The following OR2T27 variants were observed in gnomAD, a reference collection of about 807,000 sequenced individuals.
OR2T27 encodes olfactory receptor 2T27.
For synonymous variants in OR2T27, 51 were observed against 152.9 expected, an observed-to-expected ratio of 0.33 and a Z score of 4.92; for missense variants, 152 against 397.2, an observed-to-expected ratio of 0.38 and a Z score of 5.25.
intron 1 of OR2T27, among the ~76,000 whole-genome samples, chr1:248,652,087 C>A (rs1213413494): frequency 6.6e-6 from 1 of 152,178 alleles, no homozygotes; most frequent in East Asian, 1.9e-4. Flanking sequence ...TAGAGTTATC[C>A]CTGAGAATAT....
intron 1 of OR2T27, among the ~76,000 whole-genome samples, chr1:248,652,094 A>G (rs1319538159): frequency 1.3e-5 from 2 of 152,262 alleles, no homozygotes; most frequent in African/African-American, 4.8e-5. Flanking sequence ...ATCCCTGAGA[A>G]TATGACAGCT....
intron 1 of OR2T27, among the ~76,000 whole-genome samples, chr1:248,654,069 T>A (rs1661079373): frequency 2.9e-5 from 1 of 34,840 alleles, no homozygotes; most frequent in African/African-American, 3.7e-5. Context: ...ACCATTGGTT[T>A]ATGAGATCAA....
chr1:248,650,092 A>G lies in OR2T27; in HGVS notation c.793T>C (p.Tyr265His). Reference protein sequence around the residue: ...AMYTYVLPHSYHTPEQDKAVS... With the variant: ...AMYTYVLPHSHHTPEQDKAVS... ...GCTTTGTCCTGCTCAGGGGTGTGGT[A>G]AGAATGAGGCAGCACGTATGTGTAC... The change falls in exon 2 of 2, where the codon TAC (tyrosine) becomes CAC (histidine). Residue 265 changes from tyrosine (Y) to histidine (H), a missense_variant. Transcript: ENST00000460972. 1 of 1,573,388 alleles carries G rather than the reference A, an allele frequency of 6.4e-7. No individual in the cohort carries two copies. The highest frequency in any genetic ancestry group is 8.7e-7 in the Non-Finnish European group (1 of 1,153,280).
rs867977551 is a variant in OR2T27 at position 248,651,468 on chromosome 1, A to G, written c.-4-580T>C. On this transcript the variant is annotated intron_variant, in intron 1 of 1. Transcript: ENST00000460972. ...GCAGAATGAGCCTGTGTTGAATAAA[A>G]AGAGCTGAGTTCTGAGAAGTCATCC... 150 of 70,976 alleles carry G rather than the reference A, an allele frequency of 2.1e-3. 13 individuals are homozygous for G. Among genetic ancestry groups the G allele is most frequent in the African/African-American group, 4.0e-3 (145 of 36,344 alleles). The allele number at this position is 70,976 out of a possible 1,614,324, so 4.4% of individuals were successfully genotyped here. A position where few individuals can be genotyped will look rare whatever the true frequency, so the allele number is the denominator to read the frequency against.
intron 1 of OR2T27, chr1:248,651,597 G>A (rs559963149): frequency 5.6e-5 from 4 of 70,820 alleles, no homozygotes; most frequent in African/African-American, 1.1e-4. Flanking sequence ...CATACAACTC[G>A]TTAAAGTGTT....
At position 248,650,787 on chromosome 1, in the gene OR2T27, A is replaced by G. The variant is rs1368189167; in HGVS notation, c.98T>C (p.Leu33Pro). Residue 33 changes from leucine to proline, a missense_variant, in exon 2 of 2, where the codon CTG (leucine) becomes CCG (proline). Physicochemically the swap from Leu to Pro is moderately conservative, Grantham distance 98. Coordinates refer to ENST00000460972, the MANE Select transcript of OR2T27 (RefSeq NM_001001824.2). ...GCTGGCTATGGAGGTCAAAAAGACC[A>G]GGAGAATGAGGGCAAAGAGAAGCCA... ...FPWLLFALIL[L>P]VFLTSIASNV... The G allele has an allele frequency of 1.2e-6, 2 of 1,608,920 alleles. No homozygotes were observed. The highest frequency in any genetic ancestry group is 1.7e-6 in the Non-Finnish European group (2 of 1,176,582).
intron 1 of OR2T27, among the ~76,000 whole-genome samples, chr1:248,651,143 ATTTC>A (rs72247195): frequency 0.083 from 6,435 of 77,728 alleles, 160 homozygotes; most frequent in African/African-American, 0.18. Flanking sequence ...ATGACCATTT[ATTTC>A]TGTCTTTCGA....
At chr1:248,653,309 G>GA (rs1558182146) in intron 1 of OR2T27, among the ~76,000 whole-genome samples, 2 of 114,920 alleles carry the variant, frequency 1.7e-5, no homozygotes, top group South Asian at 3.7e-4. Context: ...TATTTTAAGA[G>GA]TTACCCAGTA....
chr1:248,651,734 TACC>T lies in OR2T27; in HGVS notation c.-4-849_-4-847del, dbSNP rs1477234210. On this transcript the variant is annotated intron_variant, in intron 1 of 1. Transcript: ENST00000460972. ...ATGTATCCATATCAGTTAAATATTTTACCACAATTTAGGAACACTTGAGTTATT... is the reference window on the plus strand; with the variant it reads ...ATGTATCCATATCAGTTAAATATTTTACAATTTAGGAACACTTGAGTTATT... Among the ~76,000 whole-genome samples the T allele has an allele frequency of 2.4e-4, 17 of 70,610 alleles. 3 individuals are homozygous for T. The highest frequency in any genetic ancestry group is 6.8e-4 in the Non-Finnish European group (14 of 20,618). 46.3% of individuals were successfully genotyped at this position (70,610 alleles called of 152,430 possible).
chr1:248,651,976 T>C (rs1234202918), intron 1 of OR2T27, among the ~76,000 whole-genome samples: 1 of 151,290 alleles, frequency 6.6e-6, no homozygotes. Flanking sequence ...ATAATATAGA[T>C]TAAAATTAGT....
chr1:248,652,174 T>G (rs542393175), intron 1 of OR2T27, among the ~76,000 whole-genome samples: 76 of 67,910 alleles, frequency 1.1e-3, no homozygotes, highest in Non-Finnish European at 3.3e-3. Context: ...GCCAAAAAAT[T>G]TAGGTGTGTA....
At chr1:248,652,416 A>C (rs1324124412) in intron 1 of OR2T27, among the ~76,000 whole-genome samples, 2 of 149,246 alleles carry the variant, frequency 1.3e-5, no homozygotes, top group Non-Finnish European at 3.0e-5. Context: ...GTAGACATCA[A>C]TTCATTCCAT....
chr1:248,650,454 ATC>A lies in OR2T27; in HGVS notation c.429_430del (p.Leu143PhefsTer84). The A allele has an allele frequency of 1.3e-6, 2 of 1,558,602 alleles. No individual in the cohort carries two copies. On this transcript the variant is annotated frameshift_variant, in exon 2 of 2. Transcript: ENST00000460972. LOFTEE classifies it low-confidence loss of function (END_TRUNC). ...CCCTCCCAGCCAGGCTGCCGCCACAATCAACCAGCAGATCTTGCGGCTCATGA... is the reference window on the plus strand; with the variant it reads ...CCCTCCCAGCCAGGCTGCCGCCACAAAACCAGCAGATCTTGCGGCTCATGA...
At position 248,650,152 on chromosome 1, in the gene OR2T27, T is replaced by C. The variant is rs752218742; in HGVS notation, c.733A>G (p.Met245Val). The C allele has an allele frequency of 1.9e-5, 29 of 1,564,056 alleles. 4 individuals carry two copies. The highest frequency in any genetic ancestry group is 2.4e-5 in the Non-Finnish European group (28 of 1,146,180). ...GKAVATCSSH[M>V]VVVSLFYGAA... is the part of the protein sequence containing the mutation. Reference sequence around the variant, plus strand: ...CCATAGAAGAGGCTGACAACCACCATGTGTGAGGAGCAGGTGGCCACAGCC... The same window carrying C: ...CCATAGAAGAGGCTGACAACCACCACGTGTGAGGAGCAGGTGGCCACAGCC... The change falls in exon 2 of 2, where the codon ATG (methionine) becomes GTG (valine). Residue 245 changes from methionine (M) to valine (V), a missense_variant. Met to Val is a conservative substitution (Grantham distance 21). Coordinates refer to ENST00000460972, the MANE Select transcript of OR2T27 (RefSeq NM_001001824.2).
chr1:248,652,080 A>G (rs1661030841), intron 1 of OR2T27, among the ~76,000 whole-genome samples: 1 of 152,226 alleles, frequency 6.6e-6, no homozygotes, highest in Non-Finnish European at 1.5e-5. Context: ...ACTGGTCTAG[A>G]GTTATCCCTG....
intron 1 of OR2T27, among the ~76,000 whole-genome samples, chr1:248,651,985 G>T (rs1254859174): frequency 6.6e-6 from 1 of 151,056 alleles, no homozygotes; most frequent in Non-Finnish European, 1.5e-5. Context: ...ATTAAAATTA[G>T]TTTCACCTAT....
intron 1 of OR2T27, among the ~76,000 whole-genome samples, chr1:248,653,732 A>G (rs1318758159): frequency 2.7e-5 from 3 of 112,648 alleles, no homozygotes; most frequent in African/African-American, 8.0e-5. Context: ...AAAATTGAAC[A>G]TAGTGTATAT....
chr1:248,652,488 G>T (rs1331858292), intron 1 of OR2T27, among the ~76,000 whole-genome samples: 1 of 81,216 alleles, frequency 1.2e-5, no homozygotes, highest in Non-Finnish European at 3.2e-5. Context: ...GGCCCTGAAA[G>T]AATGTAAGAC....
chr1:248,651,751 A>T lies in OR2T27; in HGVS notation c.-4-863T>A, dbSNP rs1426486384. On this transcript the variant is annotated intron_variant, in intron 1 of 1. Coordinates refer to ENST00000460972, the MANE Select transcript of OR2T27 (RefSeq NM_001001824.2). ...AAATATTTTACCACAATTTAGGAAC[A>T]CTTGAGTTATTTGGATAGCTTCTCC... is the stretch of plus-strand genomic sequence containing the variant. Among the ~76,000 whole-genome samples the T allele has an allele frequency of 1.0e-4, 7 of 69,228 alleles. 2 individuals are homozygous for T. The highest frequency in any genetic ancestry group is 4.3e-4 in the Admixed American group (2 of 4,598). 45.4% of individuals were successfully genotyped at this position (69,228 alleles called of 152,430 possible). A position where few individuals can be genotyped will look rare whatever the true frequency, so the allele number is the denominator to read the frequency against.
Sources: gnomAD v4.1 joint callset for allele counts (sites outside exome capture counted in the v4.1 genomes callset) on GRCh38, gnomAD v4.1.1 for gene constraint, MANE v1.5 for transcripts, NCBI Gene and HGNC (gene_info 2026-07-23, HGNC 2026-07-21) for gene names.